BBX: variants seen among roughly 807,000 people sequenced by gnomAD.
The protein encoded by BBX is BBX high mobility group box domain containing.
Under a neutral mutation model 100.2 loss-of-function variants are expected in BBX, and 30 were observed. The ratio of observed to expected loss-of-function variants is 0.30; its 90% CI spans 0.22 to 0.41. The LOEUF is 0.41. BBX is among the 10% of genes least tolerant of loss of function. BBX has a pLI of 1.00. For synonymous variants in BBX, 376 were observed against 388.1 expected (o/e 0.97, Z 0.37); for missense variants, 1,023 against 1,129.8 (o/e 0.91, Z 1.35).
At chr3:107,755,807 A>G in intron 10 of BBX, 129 bp downstream of exon 10, 1 of 774,224 alleles carries the variant, frequency 1.3e-6, no homozygotes, top group Non-Finnish European at 2.1e-6. Flanking sequence ...ATTTTCAACA[A>G]TGAGAGGGTT....
chr3:107,725,971 C>T (rs188043829), intron 5 of BBX, among the ~76,000 whole-genome samples: 10 of 152,022 alleles, frequency 6.6e-5, no homozygotes, highest in Admixed American at 5.9e-4. Flanking sequence ...CTGATGTTTT[C>T]GGAGGATAAG....
chr3:107,794,726 A>G (rs532160970), intron 15 of BBX, among the ~76,000 whole-genome samples: 19 of 152,318 alleles, frequency 1.2e-4, no homozygotes, highest in African/African-American at 4.1e-4. Flanking sequence ...ACCAAAGGCA[A>G]TTAGATTCCA....
At chr3:107,549,352 A>G (rs1253232001) in intron 2 of BBX, among the ~76,000 whole-genome samples, 1 of 152,128 alleles carries the variant, frequency 6.6e-6, no homozygotes, top group Non-Finnish European at 1.5e-5. Context: ...TATGGTGCAT[A>G]TTAGATGGCT....
At chr3:107,616,006 T>A (rs946372980) in intron 2 of BBX, among the ~76,000 whole-genome samples, 2 of 40,554 alleles carry the variant, frequency 4.9e-5, no homozygotes, top group Non-Finnish European at 8.2e-5. Context: ...ACTCACCTGC[T>A]TTTTTTTTTT....
chr3:107,667,922 G>A (rs887114986), intron 3 of BBX, among the ~76,000 whole-genome samples: 1 of 152,088 alleles, frequency 6.6e-6, no homozygotes. Flanking sequence ...AAATGGATCT[G>A]TAATTTTGAT....
At chr3:107,531,449 A>G (rs2048155226) in intron 2 of BBX, among the ~76,000 whole-genome samples, 1 of 152,190 alleles carries the variant, frequency 6.6e-6, no homozygotes. Flanking sequence ...TATGGGGATT[A>G]CACAAGACAG....
At chr3:107,640,880 T>A (rs1431419226) in intron 2 of BBX, among the ~76,000 whole-genome samples, 3 of 152,184 alleles carry the variant, frequency 2.0e-5, no homozygotes, top group Non-Finnish European at 4.4e-5. Flanking sequence ...CAGGCTGGTC[T>A]TGAACTCCTG....
At chr3:107,613,347 C>T (rs1033632273) in intron 2 of BBX, among the ~76,000 whole-genome samples, 9 of 149,642 alleles carry the variant, frequency 6.0e-5, no homozygotes, top group Non-Finnish European at 7.4e-5. Context: ...CCACCACGAC[C>T]GGTTAATTTT....
At chr3:107,649,752 G>A (rs906837904) in intron 3 of BBX, among the ~76,000 whole-genome samples, 27 of 152,180 alleles carry the variant, frequency 1.8e-4, no homozygotes, top group African/African-American at 5.6e-4. Flanking sequence ...CCGGAAATTG[G>A]AAGTGGCTTT....
At chr3:107,729,058 A>G in intron 6 of BBX, 98 bp downstream of exon 6, 1 of 1,228,488 alleles carries the variant, frequency 8.1e-7, no homozygotes, top group South Asian at 1.5e-5. Flanking sequence ...CAAAATTTAT[A>G]ACCAATATTA....
intron 2 of BBX, among the ~76,000 whole-genome samples, chr3:107,531,322 A>C (rs1210123557): frequency 2.6e-5 from 4 of 151,874 alleles, no homozygotes. Flanking sequence ...TCTAGGTTCC[A>C]CTCCTGCTGC....
chr3:107,778,129 T>G (rs1162816517), intron 12 of BBX, among the ~76,000 whole-genome samples: 3 of 152,130 alleles, frequency 2.0e-5, no homozygotes, highest in Non-Finnish European at 1.5e-5. Flanking sequence ...TATTCTAATA[T>G]TATAAATGAT....
At chr3:107,666,618 T>C (rs2058757374) in intron 3 of BBX, among the ~76,000 whole-genome samples, 1 of 152,198 alleles carries the variant, frequency 6.6e-6, no homozygotes. Context: ...CAGACTGGAG[T>C]GCAGTGGCGC....
At chr3:107,592,926 A>C (rs1381183372) in intron 2 of BBX, among the ~76,000 whole-genome samples, 1 of 152,190 alleles carries the variant, frequency 6.6e-6, no homozygotes, top group African/African-American at 2.4e-5. Context: ...GATCTACTTG[A>C]TCTTTCTATA....
Position 107,643,644 on chromosome 3 carries a change from G to A in BBX, c.-83-2192G>A, listed in dbSNP as rs138235074. Among the ~76,000 whole-genome samples the A allele has an allele frequency of 2.5e-3, 384 of 152,156 alleles. 3 individuals carry two copies. Among genetic ancestry groups the A allele is most frequent in the African/African-American group, 9.0e-3 (372 of 41,508 alleles). The stretch of plus-strand genomic sequence containing the variant: ...GGCTCATTCAAGTCACCGTTCTATA[G>A]GGTTGTGCTCATACTTAGGGCATTT... On this transcript the variant is annotated intron_variant, in intron 2 of 17. Coordinates refer to ENST00000325805, the MANE Select transcript of BBX (RefSeq NM_001142568.3).
At chr3:107,734,401 T>C (rs779269909) in intron 7 of BBX, among the ~76,000 whole-genome samples, 1 of 152,208 alleles carries the variant, frequency 6.6e-6, no homozygotes. Flanking sequence ...TTATTCATCA[T>C]GTTTGTAGTT....
At chr3:107,730,935 C>A (rs903440501) in intron 6 of BBX, among the ~76,000 whole-genome samples, 1 of 152,242 alleles carries the variant, frequency 6.6e-6, no homozygotes, top group Admixed American at 6.5e-5. Context: ...CCTCTAAATG[C>A]CAGATTGTTT....
chr3:107,767,384 T>A (rs923632552), intron 10 of BBX, among the ~76,000 whole-genome samples: 2 of 152,074 alleles, frequency 1.3e-5, no homozygotes, highest in Middle Eastern at 3.4e-3. Context: ...ACATATCCAA[T>A]TTAAAAAAGG....
chr3:107,623,815 A>G (rs13321566), intron 2 of BBX, among the ~76,000 whole-genome samples: 18,041 of 152,218 alleles, frequency 0.12, 1,298 homozygotes, highest in Middle Eastern at 0.19. Context: ...GGCACTGTAC[A>G]GGGTGATTTT....
Sources: gnomAD v4.1 joint callset for allele counts (sites outside exome capture counted in the v4.1 genomes callset) on GRCh38, gnomAD v4.1.1 for gene constraint, MANE v1.5 for transcripts, NCBI Gene and HGNC (gene_info 2026-07-23, HGNC 2026-07-21) for gene names.